CPED1: variants seen among roughly 807,000 people sequenced by gnomAD.
CPED1 encodes the protein cadherin-like and PC-esterase domain-containing protein 1.
In CPED1, 114 loss-of-function variants were observed where a neutral mutation model predicts 128.2. That is an observed-to-expected ratio of 0.89 (90% CI 0.76 to 1.04). CPED1 has a LOEUF of 1.04. CPED1 is among the 50% of genes least tolerant of loss of function. The pLI is 0.00. For synonymous variants in CPED1, 462 were observed against 426.7 expected, an observed-to-expected ratio of 1.08 and a Z score of -1.02; for missense variants, 1,211 against 1,207.1, an observed-to-expected ratio of 1.00 and a Z score of -0.05.
chr7:121,223,324 A>T (rs1356655092), intron 16 of CPED1, among the ~76,000 whole-genome samples: 1 of 152,156 alleles, frequency 6.6e-6, no homozygotes, highest in Non-Finnish European at 1.5e-5. Flanking sequence ...ATCGTGATGG[A>T]TAAACTTTTT....
chr7:121,274,851 G>A (rs551802391), intron 22 of CPED1, among the ~76,000 whole-genome samples: 13 of 152,096 alleles, frequency 8.5e-5, no homozygotes, highest in Non-Finnish European at 1.8e-4. Flanking sequence ...GATAATGAAT[G>A]CAGCAAGCTA....
chr7:121,227,336 G>C (rs963966456), intron 16 of CPED1, among the ~76,000 whole-genome samples: 2 of 151,982 alleles, frequency 1.3e-5, no homozygotes, highest in African/African-American at 4.8e-5. Flanking sequence ...TTTATCACAT[G>C]CTGAGGACTC....
chr7:121,064,381 T>C lies in CPED1; in HGVS notation c.616+68T>C, dbSNP rs1793770703. On this transcript the variant is annotated intron_variant, in intron 5 of 22. Transcript: ENST00000310396. ...TGCAGGCTCCCTTAGCAGAAGCAGCTAACATGGTCTCAGGTCAGCATCTGT... is the reference window on the plus strand; with the variant it reads ...TGCAGGCTCCCTTAGCAGAAGCAGCCAACATGGTCTCAGGTCAGCATCTGT... 13 of 1,074,300 alleles carry C rather than the reference T, an allele frequency of 1.2e-5. No homozygotes were observed. In the Admixed American group the frequency reaches 2.3e-4, roughly 19 times the overall value. The allele number at this position is 1,074,300 out of a possible 1,614,324, so 66.5% of individuals were successfully genotyped here.
At chr7:121,229,108 T>C (rs1425024253) in intron 16 of CPED1, among the ~76,000 whole-genome samples, 1 of 152,010 alleles carries the variant, frequency 6.6e-6, no homozygotes. Context: ...AAATGTATTA[T>C]ACTCAGATGA....
chr7:121,097,524 G>T (rs550420966), intron 5 of CPED1, among the ~76,000 whole-genome samples, 175 bp from the exon 6 acceptor site: 9 of 152,132 alleles, frequency 5.9e-5, no homozygotes, highest in Non-Finnish European at 1.0e-4. Context: ...GCAAACAAAG[G>T]CCTCTCTAAA....
At chr7:121,142,972 A>G (rs1041691432) in intron 16 of CPED1, among the ~76,000 whole-genome samples, 1 of 152,010 alleles carries the variant, frequency 6.6e-6, no homozygotes, top group Non-Finnish European at 1.5e-5. Flanking sequence ...GGGCCTTGAT[A>G]GGTAGCATGG....
chr7:121,201,628 T>C (rs929022716), intron 16 of CPED1, among the ~76,000 whole-genome samples: 1 of 151,986 alleles, frequency 6.6e-6, no homozygotes, highest in African/African-American at 2.4e-5. Context: ...CACACCTAGG[T>C]AGGGAGCAGT....
chr7:121,013,202 T>C (rs1427410360), intron 2 of CPED1, among the ~76,000 whole-genome samples: 2 of 152,242 alleles, frequency 1.3e-5, no homozygotes, highest in African/African-American at 4.8e-5. Context: ...GTCCAAAGGC[T>C]CAATGTGTAT....
intron 3 of CPED1, among the ~76,000 whole-genome samples, chr7:121,040,283 A>G (rs1446656529): frequency 6.6e-6 from 1 of 152,120 alleles, no homozygotes. Flanking sequence ...AAATTAAAAT[A>G]GTCAACCCAG....
intron 12 of CPED1, among the ~76,000 whole-genome samples, chr7:121,131,739 T>C (rs1795676139): frequency 1.3e-5 from 2 of 151,990 alleles, no homozygotes; most frequent in African/African-American, 2.4e-5. Context: ...ATCCCAACTT[T>C]AGAATTTATG....
intron 22 of CPED1, among the ~76,000 whole-genome samples, chr7:121,277,832 A>C (rs1453924030): frequency 6.6e-6 from 1 of 152,170 alleles, no homozygotes; most frequent in African/African-American, 2.4e-5. Context: ...ATATTTAAGC[A>C]AAGTCTGGAG....
chr7:121,033,382 T>A (rs1054352434), intron 3 of CPED1, among the ~76,000 whole-genome samples: 1 of 152,212 alleles, frequency 6.6e-6, no homozygotes, highest in African/African-American at 2.4e-5. Flanking sequence ...ATTTTGTTAC[T>A]TGAAAGTTCA....
At chr7:121,211,054 A>G (rs1458409501) in intron 16 of CPED1, among the ~76,000 whole-genome samples, 3 of 152,096 alleles carry the variant, frequency 2.0e-5, no homozygotes, top group Non-Finnish European at 4.4e-5. Context: ...AAAAAACTGT[A>G]TTTCATGGAA....
intron 18 of CPED1, among the ~76,000 whole-genome samples, chr7:121,260,533 G>T (rs1791991680): frequency 6.6e-6 from 1 of 151,876 alleles, no homozygotes; most frequent in South Asian, 2.1e-4. Context: ...GAGATCAGTG[G>T]TTTTCGACCT....
intron 5 of CPED1, among the ~76,000 whole-genome samples, chr7:121,093,193 A>C (rs1563022700): frequency 6.6e-6 from 1 of 151,898 alleles, no homozygotes. Flanking sequence ...ATGTTTAGTC[A>C]CTCTTTCTTC....
chr7:121,273,133 G>A (rs1792265290), intron 22 of CPED1, among the ~76,000 whole-genome samples: 1 of 151,754 alleles, frequency 6.6e-6, no homozygotes, highest in African/African-American at 2.4e-5. Flanking sequence ...GCCTTCTTTT[G>A]TAAACCAGGA....
At chr7:121,107,648 C>T (rs149370669) in intron 7 of CPED1, among the ~76,000 whole-genome samples, 8 of 152,092 alleles carry the variant, frequency 5.3e-5, no homozygotes, top group East Asian at 1.9e-4. Flanking sequence ...AAAAATTAAT[C>T]GCTTTAATGC....
chr7:121,104,074 G>T (rs1180546177), intron 7 of CPED1, among the ~76,000 whole-genome samples: 1 of 152,048 alleles, frequency 6.6e-6, no homozygotes, highest in Non-Finnish European at 1.5e-5. Flanking sequence ...ATCAGAGGAA[G>T]TTTTGAAAGG....
intron 4 of CPED1, among the ~76,000 whole-genome samples, chr7:121,047,715 C>CTTCTTCTTCTTCTTCT (rs1563005068): frequency 1.3e-5 from 1 of 76,064 alleles, no homozygotes; most frequent in South Asian, 3.5e-4. Flanking sequence ...TCTTCTTCTT[C>CTTCTTCTTCTTCTTCT]TTTTTTTTTT....
Sources: gnomAD v4.1 joint callset for allele counts (sites outside exome capture counted in the v4.1 genomes callset) on GRCh38, gnomAD v4.1.1 for gene constraint, MANE v1.5 for transcripts, NCBI Gene and HGNC (gene_info 2026-07-23, HGNC 2026-07-21) for gene names.